The following KLC1 variants were observed in gnomAD, a reference collection of about 807,000 sequenced individuals.
KLC1 encodes the protein kinesin 2 60/70kDa.
Under a neutral mutation model 84.2 loss-of-function variants are expected in KLC1, and 30 were observed. The ratio of observed to expected loss-of-function variants is 0.36; its 90% confidence interval spans 0.27 to 0.48. The LOEUF is 0.48. KLC1 is among the 20% of genes least tolerant of loss of function. The probability of loss-of-function intolerance (pLI) is 0.99; values close to 1 mark genes in which losing one functional copy is unlikely to be tolerated. For synonymous variants in KLC1, 289 were observed against 293.3 expected, an observed-to-expected ratio of 0.99 and a Z score of 0.15; for missense variants, 499 against 805.4, an observed-to-expected ratio of 0.62 and a Z score of 4.60.
chr14:103,680,128 A>G (rs1442054948), intron 13 of KLC1, among the ~76,000 whole-genome samples: 2 of 152,170 alleles, frequency 1.3e-5, no homozygotes, highest in Non-Finnish European at 2.9e-5. Flanking sequence ...CCAGCCCGCC[A>G]TGTGCCTGAG....
chr14:103,685,287 T>G, intron 13 of KLC1: 1 of 1,349,542 alleles, frequency 7.4e-7, no homozygotes, highest in South Asian at 1.7e-5. Flanking sequence ...GGTCCCTATG[T>G]TTTTCATTGC....
intron 4 of KLC1, 92 bp downstream of exon 4, chr14:103,662,286 G>T: frequency 9.7e-7 from 1 of 1,034,388 alleles, no homozygotes; most frequent in Non-Finnish European, 1.5e-6. Context: ...CAGCCTTAGT[G>T]CATGCGGCCT....
chr14:103,632,670 G>A (rs1345145298), intron 1 of KLC1, among the ~76,000 whole-genome samples: 2 of 152,046 alleles, frequency 1.3e-5, no homozygotes, highest in Non-Finnish European at 1.5e-5. Context: ...GCAGTGAGCC[G>A]AGATCACGCC....
intron 9 of KLC1, 100 bp downstream of exon 9, chr14:103,673,531 CT>C: frequency 1.4e-6 from 1 of 706,580 alleles, no homozygotes; most frequent in Non-Finnish European, 2.3e-6. Flanking sequence ...AAGCACTTAA[CT>C]TTGTACATCA....
chr14:103,696,412 A>G, intron 15 of KLC1: 1 of 985,294 alleles, frequency 1.0e-6, no homozygotes, highest in Non-Finnish European at 1.2e-6. Flanking sequence ...TGCTAGGAGT[A>G]TCATGTACTT....
At chr14:103,673,872 G>A (rs953710781) in intron 9 of KLC1, among the ~76,000 whole-genome samples, 1 of 151,838 alleles carries the variant, frequency 6.6e-6, no homozygotes, top group Non-Finnish European at 1.5e-5. Flanking sequence ...GCAGTGAGCC[G>A]AGATCGTGCC....
At chr14:103,666,285 G>C (rs370611797) in intron 5 of KLC1, among the ~76,000 whole-genome samples, 3 of 151,910 alleles carry the variant, frequency 2.0e-5, no homozygotes, top group African/African-American at 2.4e-5. Context: ...GGATGGTCTT[G>C]ATCTCCTGAC....
At position 103,685,849 on chromosome 14, in the gene KLC1, T is replaced by G. The variant is rs559381956; in HGVS notation, c.1651-1232T>G. ...TGTATACATGTAGCTTTGCCAGATA[T>G]GTACTTAGTAATATAAACTGTATTA... On this transcript the variant is annotated intron_variant, in intron 13 of 16. Transcript: ENST00000334553. 7 of 1,177,748 alleles carry G rather than the reference T, an allele frequency of 5.9e-6. No individual in the cohort carries two copies. In the South Asian group the frequency reaches 1.1e-4, roughly 19 times the overall value. The allele number at this position is 1,177,748 out of a possible 1,614,324, so 73.0% of individuals were successfully genotyped here.
At chr14:103,651,819 G>A (rs1704933391) in intron 1 of KLC1, among the ~76,000 whole-genome samples, 1 of 152,208 alleles carries the variant, frequency 6.6e-6, no homozygotes, top group South Asian at 2.1e-4. Flanking sequence ...CTAGCCTTGA[G>A]AGGTGCTACT....
rs563433086 is a variant in KLC1, at chr14:103,680,176, C to T, written c.1650+631C>T. Among the ~76,000 whole-genome samples the T allele has an allele frequency of 1.1e-4, 16 of 152,284 alleles. 1 individual carries two copies. The South Asian group carries it at 3.3e-3, about 32-fold the overall frequency. ...GCCCCCTCTGGGTTTTACTGGTTTG[C>T]CCCTGGAAATTCCTAACCACTGCTG... On this transcript the variant is annotated intron_variant, in intron 13 of 16. Transcript: ENST00000334553.
chr14:103,699,405 G>A, intron 15 of KLC1: 1 of 1,612,186 alleles, frequency 6.2e-7, no homozygotes, highest in South Asian at 1.1e-5. Context: ...GCACTGCTCA[G>A]CTCACGCAGC....
chr14:103,696,302 C>G (rs988839054), intron 15 of KLC1: 9 of 985,286 alleles, frequency 9.1e-6, no homozygotes, highest in Non-Finnish European at 9.6e-6. Flanking sequence ...CCTCAGAGGC[C>G]GGTGGTGCCC....
At chr14:103,697,141 C>G (rs879114927) in intron 15 of KLC1, 2 of 984,402 alleles carry the variant, frequency 2.0e-6, no homozygotes, top group Non-Finnish European at 2.4e-6. Context: ...AAATGTCTTA[C>G]TTGCCATTGT....
chr14:103,664,136 A>C (rs1253736303), intron 5 of KLC1, among the ~76,000 whole-genome samples: 1 of 151,902 alleles, frequency 6.6e-6, no homozygotes, highest in Non-Finnish European at 1.5e-5. Flanking sequence ...GTGAATGTTG[A>C]GATTGTTTGC....
chr14:103,678,614 C>T (rs977136544), intron 12 of KLC1, among the ~76,000 whole-genome samples: 3 of 151,576 alleles, frequency 2.0e-5, no homozygotes, highest in South Asian at 2.1e-4. Flanking sequence ...CGCTTGAACC[C>T]GGGAGCTGGA....
chr14:103,657,271 T>C (rs1241874153), intron 2 of KLC1, among the ~76,000 whole-genome samples: 2 of 152,322 alleles, frequency 1.3e-5, no homozygotes, highest in South Asian at 2.1e-4. Context: ...GAAGGGTAGC[T>C]GTGTTTTCAT....
At chr14:103,676,166 C>T (rs114166666) in intron 11 of KLC1, among the ~76,000 whole-genome samples, 2,502 of 152,286 alleles carry the variant, frequency 0.016, 66 homozygotes, top group African/African-American at 0.056. Context: ...CCTCCGTGGC[C>T]GGCCCGAGAG....
At chr14:103,669,172 C>T (rs2080160995) in intron 5 of KLC1, among the ~76,000 whole-genome samples, 1 of 151,796 alleles carries the variant, frequency 6.6e-6, no homozygotes, top group African/African-American at 2.4e-5. Context: ...CACGATGGCT[C>T]ATGCCTGTAA....
At chr14:103,670,120 T>TATAA (rs1355929870) in intron 6 of KLC1, 62 bp from the exon 7 acceptor site, 3 of 1,067,178 alleles carry the variant, frequency 2.8e-6, no homozygotes, top group Non-Finnish European at 4.1e-6. Flanking sequence ...ATATGTGGTG[T>TATAA]ATAAATGTAC....
Sources: allele counts gnomAD v4.1 joint callset (sites outside exome capture counted in the v4.1 genomes callset), GRCh38; gene constraint gnomAD v4.1.1; transcripts MANE v1.5; gene names NCBI Gene and HGNC (gene_info 2026-07-23, HGNC 2026-07-21).